The following GMCL1 variants were observed in gnomAD, a reference collection of about 807,000 sequenced individuals.
GMCL1 encodes the protein germ cell-less protein-like 1.
GMCL1 carries 54 observed loss-of-function variants against 75.5 expected under a neutral mutation model. The ratio of observed to expected loss-of-function variants is 0.71; its 90% CI spans 0.57 to 0.90. The LOEUF (loss-of-function observed/expected upper bound fraction) is 0.90, where lower values mean the gene tolerates loss of function less well. GMCL1 is among the 40% of genes least tolerant of loss of function. GMCL1 has a pLI of 0.00. For synonymous variants in GMCL1, 210 were observed against 209.6 expected (o/e 1.00, Z -0.02); for missense variants, 537 against 622.7 (o/e 0.86, Z 1.47).
intron 13 of GMCL1, among the ~76,000 whole-genome samples, chr2:69,873,035 G>A (rs988940053): frequency 3.9e-5 from 6 of 152,220 alleles, no homozygotes; most frequent in Non-Finnish European, 8.8e-5. Flanking sequence ...GATAGAATTA[G>A]CTCAGAGTGT....
At chr2:69,837,988 G>A (rs1206401929) in intron 2 of GMCL1, among the ~76,000 whole-genome samples, 3 of 152,142 alleles carry the variant, frequency 2.0e-5, no homozygotes, top group African/African-American at 7.2e-5. Flanking sequence ...AGTTAAGATT[G>A]TAGTGTTTAT....
intron 1 of GMCL1, among the ~76,000 whole-genome samples, chr2:69,835,387 C>G (rs565235343): frequency 1.6e-4 from 24 of 151,830 alleles, no homozygotes; most frequent in African/African-American, 5.8e-4. Flanking sequence ...TTTTTTTCCT[C>G]TCTTTTCCCT....
intron 13 of GMCL1, among the ~76,000 whole-genome samples, chr2:69,878,016 T>C (rs1676173932): frequency 6.6e-6 from 1 of 152,236 alleles, no homozygotes; most frequent in African/African-American, 2.4e-5. Flanking sequence ...TTTCTTCTTT[T>C]ACTCTGAGGA....
At chr2:69,847,372 C>T (rs1250310687) in intron 6 of GMCL1, among the ~76,000 whole-genome samples, 171 bp from the exon 7 acceptor site, 1 of 152,122 alleles carries the variant, frequency 6.6e-6, no homozygotes, top group Non-Finnish European at 1.5e-5. Context: ...TAAAAGTATC[C>T]TTGTATCCAG....
In GMCL1 at chr2:69,846,999, A is replaced by ATT. The variant is rs563722124; in HGVS notation, c.759-526_759-525dup. Reference sequence around the variant, plus strand: ...AGGTGCACACCAACATGATTGGCTAATTTTTTTTTTTTTTTTTTTGGTAGC... The same window carrying ATT: ...AGGTGCACACCAACATGATTGGCTAATTTTTTTTTTTTTTTTTTTTTGGTAGC... On this transcript the variant is annotated intron_variant, in intron 6 of 13. Coordinates refer to ENST00000282570, the MANE Select transcript of GMCL1 (RefSeq NM_178439.5). Among the ~76,000 whole-genome samples the ATT allele has an allele frequency of 1.3e-3, 176 of 133,054 alleles. 2 individuals are homozygous for ATT. Among genetic ancestry groups the ATT allele is most frequent in the African/African-American group, 4.0e-3 (141 of 35,680 alleles). The allele number at this position is 133,054 out of a possible 152,430, so 87.3% of individuals were successfully genotyped here.
At chr2:69,847,054 T>C (rs1675169193) in intron 6 of GMCL1, among the ~76,000 whole-genome samples, 1 of 150,840 alleles carries the variant, frequency 6.6e-6, no homozygotes, top group African/African-American at 2.4e-5. Flanking sequence ...TCCAGGCTGG[T>C]CTCAAACATC....
At chr2:69,876,855 G>A (rs888143478) in intron 13 of GMCL1, among the ~76,000 whole-genome samples, 3 of 152,166 alleles carry the variant, frequency 2.0e-5, no homozygotes, top group Non-Finnish European at 2.9e-5. Flanking sequence ...CGGGCGTGGT[G>A]GCATGTGCCT....
At chr2:69,830,841 A>G (rs1226302650) in intron 1 of GMCL1, among the ~76,000 whole-genome samples, 1 of 151,414 alleles carries the variant, frequency 6.6e-6, no homozygotes, top group African/African-American at 2.4e-5. Flanking sequence ...GGTAGAATAT[A>G]TGCTTACACA....
intron 1 of GMCL1, among the ~76,000 whole-genome samples, chr2:69,833,887 A>G (rs1488567238): frequency 6.6e-6 from 1 of 152,204 alleles, no homozygotes; most frequent in African/African-American, 2.4e-5. Context: ...AAAAAATTGA[A>G]ACGACATTAC....
intron 3 of GMCL1, 74 bp downstream of exon 3, chr2:69,839,627 A>G: frequency 3.0e-6 from 3 of 990,226 alleles, no homozygotes; most frequent in Admixed American, 3.9e-5. Context: ...GAAGATAAAT[A>G]ATTCCTTCCA....
At chr2:69,852,635 T>C (rs1273341628) in intron 8 of GMCL1, among the ~76,000 whole-genome samples, 1 of 151,850 alleles carries the variant, frequency 6.6e-6, no homozygotes, top group African/African-American at 2.4e-5. Flanking sequence ...ACCTCCCAGA[T>C]TCAAGCAATT....
In GMCL1 at chr2:69,830,136, C is replaced by T; in HGVS notation, c.244C>T (p.Leu82Phe). The T allele has an allele frequency of 6.4e-7, 1 of 1,566,908 alleles. No homozygotes were observed. The highest frequency in any genetic ancestry group is 1.2e-5 in the South Asian group (1 of 85,282). The change falls in exon 1 of 14, where the codon CTC becomes TTC. Residue 82 changes from leucine (L) to phenylalanine (F), a missense_variant. Physicochemically the swap from Leu to Phe is conservative, Grantham distance 22. Around this residue, in one of 3 missense-constraint regions of GMCL1, gnomAD observed 144 missense variants for 127.2 expected, o/e 1.13. Transcript: ENST00000282570. ...EEEGDEQQRL[L>F]NTPRRKKLKS... is the part of the protein sequence containing the mutation. ...GGAGGGGGACGAGCAGCAGCGGCTC[C>T]TCAACACCCCTCGAAGGTACGTGGG...
At chr2:69,866,953 T>TA (rs1675834583) in intron 11 of GMCL1, among the ~76,000 whole-genome samples, 1 of 123,636 alleles carries the variant, frequency 8.1e-6, no homozygotes, top group East Asian at 2.4e-4. Context: ...CTTTTCTTTC[T>TA]TTTTTTTTTG....
chr2:69,874,321 CG>C lies in GMCL1; in HGVS notation c.1452+2490del. ...TTATTCTTTTTCATCTCTATCCCAG[CG>C]TAGTAAATGTGAAAACAAATATTTG... On this transcript the variant is annotated intron_variant, in intron 13 of 13. Coordinates refer to ENST00000282570, the MANE Select transcript of GMCL1 (RefSeq NM_178439.5). Among the ~76,000 whole-genome samples the C allele has an allele frequency of 1.3e-5, 2 of 152,194 alleles. 1 individual carries two copies.
At chr2:69,844,321 G>A in intron 6 of GMCL1, 125 bp downstream of exon 6, 1 of 546,150 alleles carries the variant, frequency 1.8e-6, no homozygotes, top group Non-Finnish European at 3.3e-6. Flanking sequence ...TTTAATGAAA[G>A]GGCTTGACTA....
intron 13 of GMCL1, among the ~76,000 whole-genome samples, chr2:69,874,909 CTT>C (rs1351888816): frequency 6.6e-6 from 1 of 151,644 alleles, no homozygotes; most frequent in Non-Finnish European, 1.5e-5. Context: ...GCCCAGCTAA[CTT>C]TTTTGTATTT....
chr2:69,862,759 CAA>C (rs879848728), intron 10 of GMCL1, among the ~76,000 whole-genome samples: 1 of 120,040 alleles, frequency 8.3e-6, no homozygotes. Flanking sequence ...AACTCCATCC[CAA>C]AAAAAAAAAA....
chr2:69,864,888 G>T lies in GMCL1; in HGVS notation c.1143-12G>T. ...TTTTCTATGAACGTTCATATTTTAT[G>T]TATATTTTTAGGCCTCAAGAAATCA... is the stretch of plus-strand genomic sequence containing the variant. On this transcript the variant is annotated splice_polypyrimidine_tract_variant and intron_variant, in intron 10 of 13. Coordinates refer to ENST00000282570, the MANE Select transcript of GMCL1 (RefSeq NM_178439.5). The T allele has an allele frequency of 6.4e-7, 1 of 1,553,944 alleles. No homozygotes were observed. Among genetic ancestry groups the T allele is most frequent in the Non-Finnish European group, 8.9e-7 (1 of 1,126,908 alleles).
intron 1 of GMCL1, among the ~76,000 whole-genome samples, chr2:69,835,227 CT>C (rs1558536016): frequency 4.6e-5 from 7 of 151,580 alleles, no homozygotes; most frequent in African/African-American, 1.2e-4. Flanking sequence ...AACAAACAAA[CT>C]ATTCTTTGGT....
Sources: gnomAD v4.1 joint callset for allele counts (sites outside exome capture counted in the v4.1 genomes callset) on GRCh38, gnomAD v4.1.1 for gene constraint, gnomAD v4.1.1 regional missense constraint, MANE v1.5 for transcripts, NCBI Gene and HGNC (gene_info 2026-07-23, HGNC 2026-07-21) for gene names.